Variants in ENPEP observed in about 807,000 individuals in gnomAD.
ENPEP encodes AP-A.
A neutral mutation model predicts 114.5 loss-of-function variants in ENPEP; 103 were observed. The ratio of observed to expected loss-of-function variants is 0.90; its 90% CI spans 0.77 to 1.06. The LOEUF (loss-of-function observed/expected upper bound fraction) is 1.06. Ranked by LOEUF, ENPEP falls within the 50% of genes least tolerant of loss-of-function variation. The pLI, the probability that ENPEP is intolerant of heterozygous loss-of-function variation, is 0.00. For synonymous variants in ENPEP, 420 were observed against 422.0 expected (o/e 1.00, Z 0.06); for missense variants, 1,196 against 1,161.3 (o/e 1.03, Z -0.43).
chr4:110,507,401 G>C (rs1360523544), intron 4 of ENPEP, among the ~76,000 whole-genome samples: 1 of 152,238 alleles, frequency 6.6e-6, no homozygotes, highest in African/African-American at 2.4e-5. Context: ...TATTAACAAA[G>C]ACTTTAAATA....
intron 13 of ENPEP, among the ~76,000 whole-genome samples, chr4:110,545,838 A>T (rs1045026362): frequency 6.6e-6 from 1 of 151,866 alleles, no homozygotes; most frequent in Admixed American, 6.6e-5. Context: ...CTTTGTCCTG[A>T]CAATATTTGG....
rs1050320805 is a variant in ENPEP at position 110,524,336 on chromosome 4, T to C, written c.1727+3970T>C. ...AACTTTTTAAGTTTTTGAGTAGTGA[T>C]GAATTTATCTACAAATTGCACACAT... On this transcript the variant is annotated intron_variant, in intron 10 of 19. Transcript: ENST00000265162. Among the ~76,000 whole-genome samples the C allele has an allele frequency of 3.3e-5, 5 of 152,192 alleles. No homozygotes were observed. The East Asian group carries it at 5.8e-4, about 18-fold the overall frequency.
Position 110,545,916 on chromosome 4 carries a change from T to C in ENPEP, c.2001-2260T>C, listed in dbSNP as rs551264840. On this transcript the variant is annotated intron_variant, in intron 13 of 19. Transcript: ENST00000265162. ...GCCAGAGCAGCAGCCAAATAGCCTC[T>C]CATCTTTTAGATTTCTCAGGGTGTC... is the stretch of plus-strand genomic sequence containing the variant. Among the ~76,000 whole-genome samples the C allele has an allele frequency of 4.1e-4, 62 of 152,090 alleles. No homozygotes were observed. In the Middle Eastern group the frequency reaches 0.02, roughly 50 times the overall value.
chr4:110,491,284 C>A (rs1724703003), intron 3 of ENPEP, 120 bp downstream of exon 3: 2 of 961,802 alleles, frequency 2.1e-6, no homozygotes, highest in Non-Finnish European at 1.5e-6. Flanking sequence ...CCTTTAGTCC[C>A]CAGGGTCTGT....
intron 3 of ENPEP, among the ~76,000 whole-genome samples, chr4:110,504,928 A>G (rs1252188272): frequency 1.3e-5 from 2 of 152,210 alleles, no homozygotes; most frequent in Non-Finnish European, 2.9e-5. Flanking sequence ...TTCGCTCACC[A>G]AATGTTGTGT....
chr4:110,516,028 G>C (rs757293308), intron 8 of ENPEP, among the ~76,000 whole-genome samples: 2 of 152,138 alleles, frequency 1.3e-5, no homozygotes, highest in African/African-American at 4.8e-5. Flanking sequence ...CACACTGGGG[G>C]TTAGGGCTTA....
chr4:110,488,954 G>C (rs943222474), intron 2 of ENPEP, among the ~76,000 whole-genome samples: 22 of 152,148 alleles, frequency 1.4e-4, no homozygotes, highest in South Asian at 2.1e-4. Flanking sequence ...CTGCTTAGCT[G>C]CCAGGATCCC....
chr4:110,497,618 G>A (rs2348429), intron 3 of ENPEP, among the ~76,000 whole-genome samples: 91,651 of 151,992 alleles, frequency 0.6, 28,065 homozygotes, highest in African/African-American at 0.7. Flanking sequence ...CCTAATGGCC[G>A]TGCTGAGTTT....
At chr4:110,553,478 T>C (rs956596425) in intron 18 of ENPEP, 23 bp downstream of exon 18, 3 of 1,597,262 alleles carry the variant, frequency 1.9e-6, no homozygotes, top group Admixed American at 3.4e-5. Flanking sequence ...GATGATGGTC[T>C]GCTGTTTTCT....
At chr4:110,528,718 A>C (rs1355233099) in intron 10 of ENPEP, among the ~76,000 whole-genome samples, 1 of 152,184 alleles carries the variant, frequency 6.6e-6, no homozygotes, top group African/African-American at 2.4e-5. Context: ...CTCCATGTAA[A>C]CAGGCAGAGG....
Position 110,503,016 on chromosome 4 carries a change from T to G in ENPEP, c.919-3621T>G, listed in dbSNP as rs187515415. ...GTGTGCTGCACCCATTAACTCGTCA[T>G]TTACATTAGGTATATCTCCTAATGC... On this transcript the variant is annotated intron_variant, in intron 3 of 19. Coordinates refer to ENST00000265162, the MANE Select transcript of ENPEP (RefSeq NM_001977.4). 3.4e-3 allele frequency among the ~76,000 whole-genome samples: 516 copies of G among 152,270 alleles called. 18 individuals are homozygous for G. The South Asian group carries it at 0.045, about 13-fold the overall frequency.
At chr4:110,550,877 A>G (rs1415022117) in intron 17 of ENPEP, among the ~76,000 whole-genome samples, 2 of 152,138 alleles carry the variant, frequency 1.3e-5, no homozygotes, top group Non-Finnish European at 2.9e-5. Context: ...TTTACCAGGT[A>G]GAGCCAATAA....
chr4:110,497,762 A>T (rs1724996859), intron 3 of ENPEP, among the ~76,000 whole-genome samples: 1 of 152,318 alleles, frequency 6.6e-6, no homozygotes, highest in African/African-American at 2.4e-5. Flanking sequence ...TATTCATACT[A>T]ATTTATCTAT....
At chr4:110,531,160 T>C in intron 10 of ENPEP, 38 bp from the exon 11 acceptor site, 2 of 1,234,232 alleles carry the variant, frequency 1.6e-6, no homozygotes, top group South Asian at 1.6e-5. Context: ...TATCTTTTAG[T>C]AATAAAAGTT....
intron 10 of ENPEP, 40 bp from the exon 11 acceptor site, chr4:110,531,158 A>G (rs970886302): frequency 2.5e-6 from 3 of 1,220,198 alleles, no homozygotes; most frequent in South Asian, 1.6e-5. Flanking sequence ...TTTATCTTTT[A>G]GTAATAAAAG....
intron 3 of ENPEP, among the ~76,000 whole-genome samples, chr4:110,495,707 C>A (rs918891221): frequency 1.3e-5 from 2 of 151,984 alleles, no homozygotes; most frequent in African/African-American, 4.8e-5. Flanking sequence ...GGTGACAGAG[C>A]AAGACTCGGT....
intron 1 of ENPEP, among the ~76,000 whole-genome samples, chr4:110,478,781 T>C (rs886691630): frequency 3.3e-5 from 5 of 152,234 alleles, no homozygotes; most frequent in African/African-American, 1.2e-4. Context: ...ATTGTTTGAA[T>C]ACATTGTAAT....
chr4:110,484,005 T>A (rs1199085132), intron 1 of ENPEP, among the ~76,000 whole-genome samples: 1 of 152,218 alleles, frequency 6.6e-6, no homozygotes, highest in Non-Finnish European at 1.5e-5. Context: ...GTTACCATTT[T>A]AAAAATGCTT....
chr4:110,549,913 A>G (rs756762059), intron 17 of ENPEP, 27 bp downstream of exon 17: 1 of 1,569,704 alleles, frequency 6.4e-7, no homozygotes, highest in South Asian at 1.2e-5. Context: ...TTTCACATAT[A>G]TAAATAGTAT....
Sources: gnomAD v4.1 joint callset for allele counts (sites outside exome capture counted in the v4.1 genomes callset) on GRCh38, gnomAD v4.1.1 for gene constraint, MANE v1.5 for transcripts, NCBI Gene and HGNC (gene_info 2026-07-23, HGNC 2026-07-21) for gene names.